ARFGEF2: variants seen among roughly 807,000 people sequenced by gnomAD.
ARFGEF2 encodes ARF guanine nucleotide exchange factor 2.
A neutral mutation model predicts 219.9 loss-of-function variants in ARFGEF2; 74 were observed. The ratio of observed to expected loss-of-function variants is 0.34; its 90% CI spans 0.28 to 0.41. The LOEUF (loss-of-function observed/expected upper bound fraction) is 0.41, where lower values mean the gene tolerates loss of function less well. ARFGEF2 is among the 10% of genes least tolerant of loss of function. The pLI is 1.00. For missense variants in ARFGEF2, 1,743 were observed against 2,218.3 expected, an observed-to-expected ratio of 0.79 and a Z score of 4.30; for synonymous variants, 733 against 799.2, an observed-to-expected ratio of 0.92 and a Z score of 1.40.
At chr20:49,029,063 A>T (rs1225980789) in intron 37 of ARFGEF2, among the ~76,000 whole-genome samples, 1 of 152,212 alleles carries the variant, frequency 6.6e-6, no homozygotes, top group African/African-American at 2.4e-5. Flanking sequence ...ACATCCCATC[A>T]TTCCTTCTTT....
intron 35 of ARFGEF2, among the ~76,000 whole-genome samples, chr20:49,023,624 C>T (rs1448788556): frequency 1.3e-5 from 2 of 149,478 alleles, no homozygotes; most frequent in African/African-American, 2.5e-5. Context: ...CTGCAAGCTC[C>T]GCCTCCTGGG....
At chr20:48,973,307 A>C (rs966281620) in intron 12 of ARFGEF2, 23 bp downstream of exon 12, 2 of 1,613,384 alleles carry the variant, frequency 1.2e-6, no homozygotes, top group Admixed American at 1.7e-5. Context: ...TGGACACTCA[A>C]TTATATTAAA....
intron 7 of ARFGEF2, among the ~76,000 whole-genome samples, chr20:48,965,168 G>C (rs558974563): frequency 1.6e-4 from 24 of 152,108 alleles, no homozygotes; most frequent in Non-Finnish European, 3.5e-4. Context: ...TCACATAATG[G>C]ATGTTTGTCT....
intron 36 of ARFGEF2, among the ~76,000 whole-genome samples, chr20:49,028,271 A>AG (rs915908833): frequency 5.3e-5 from 8 of 152,072 alleles, no homozygotes; most frequent in Admixed American, 3.3e-4. Flanking sequence ...ACAAAAAAAA[A>AG]TTAGCCAGGC....
At chr20:48,987,244 T>G (rs542199062) in intron 16 of ARFGEF2, among the ~76,000 whole-genome samples, 1 of 152,356 alleles carries the variant, frequency 6.6e-6, no homozygotes, top group South Asian at 2.1e-4. Flanking sequence ...GCTCAGTCAG[T>G]AAATATGTGA....
At chr20:48,964,399 C>T (rs1202000934) in intron 7 of ARFGEF2, among the ~76,000 whole-genome samples, 1 of 151,970 alleles carries the variant, frequency 6.6e-6, no homozygotes, top group Non-Finnish European at 1.5e-5. Flanking sequence ...AGCGAGACTC[C>T]ATCTCAAAAA....
chr20:49,027,621 G>C (rs954218323), intron 36 of ARFGEF2, among the ~76,000 whole-genome samples: 4 of 152,034 alleles, frequency 2.6e-5, no homozygotes, highest in Non-Finnish European at 5.9e-5. Flanking sequence ...ACTTGAGCCT[G>C]GGAGGTCGAG....
At chr20:48,977,692 C>T (rs912681179) in intron 14 of ARFGEF2, among the ~76,000 whole-genome samples, 7 of 152,200 alleles carry the variant, frequency 4.6e-5, no homozygotes, top group Admixed American at 3.3e-4. Context: ...GATGGTATCG[C>T]ATTGTGGTTT....
At chr20:48,927,674 C>T (rs1019932642) in intron 1 of ARFGEF2, among the ~76,000 whole-genome samples, 4 of 149,308 alleles carry the variant, frequency 2.7e-5, no homozygotes, top group South Asian at 2.1e-4. Context: ...GGCAACAGAG[C>T]GAGACTCTGT....
At chr20:48,966,295 A>C (rs1301049017) in intron 8 of ARFGEF2, among the ~76,000 whole-genome samples, 1 of 152,232 alleles carries the variant, frequency 6.6e-6, no homozygotes. Flanking sequence ...TCAAAATAGT[A>C]TACATTCATT....
intron 21 of ARFGEF2, among the ~76,000 whole-genome samples, chr20:48,992,664 C>G (rs2091363522): frequency 6.6e-6 from 1 of 152,216 alleles, no homozygotes; most frequent in South Asian, 2.1e-4. Context: ...GTGTTACCTG[C>G]TGTCATCTCC....
At chr20:48,975,880 T>C in intron 13 of ARFGEF2, 136 bp from the exon 14 acceptor site, 1 of 793,394 alleles carries the variant, frequency 1.3e-6, no homozygotes, top group Non-Finnish European at 2.2e-6. Flanking sequence ...TACTAAGGTT[T>C]CATGCTTATA....
chr20:48,987,618 C>T (rs562790100), intron 16 of ARFGEF2, among the ~76,000 whole-genome samples: 4 of 152,196 alleles, frequency 2.6e-5, no homozygotes, highest in East Asian at 1.9e-4. Context: ...GGCACTCAAG[C>T]GCTTAGTGTG....
At chr20:48,968,876 ATC>A (rs1282486191) in intron 8 of ARFGEF2, among the ~76,000 whole-genome samples, 5 of 152,070 alleles carry the variant, frequency 3.3e-5, no homozygotes, top group Non-Finnish European at 7.4e-5. Context: ...CACATCCCTC[ATC>A]TCTCTATTAA....
intron 14 of ARFGEF2, among the ~76,000 whole-genome samples, chr20:48,979,387 T>C (rs376810307): frequency 1.3e-5 from 2 of 152,140 alleles, no homozygotes; most frequent in East Asian, 3.8e-4. Context: ...CAGTATTTTA[T>C]TGAGGATTTT....
intron 27 of ARFGEF2, among the ~76,000 whole-genome samples, chr20:49,011,369 C>T (rs1268932575): frequency 3.9e-5 from 6 of 152,138 alleles, no homozygotes; most frequent in Admixed American, 3.9e-4. Context: ...TAGAATGTAA[C>T]TATCAGGAAT....
chr20:49,031,918 A>C (rs75924107), intron 37 of ARFGEF2, 131 bp from the exon 38 acceptor site: 1 of 135,468 alleles, frequency 7.4e-6, no homozygotes, highest in African/African-American at 3.0e-5. Context: ...ACCCTGTCTC[A>C]AAAAAAAAAA....
At chr20:48,940,036 A>G (rs370146547) in intron 1 of ARFGEF2, among the ~76,000 whole-genome samples, 1 of 152,228 alleles carries the variant, frequency 6.6e-6, no homozygotes, top group South Asian at 2.1e-4. Context: ...ATGTAGAAAT[A>G]CACTCAACTG....
At chr20:48,941,780 A>C in intron 2 of ARFGEF2, 84 bp from the exon 3 acceptor site, 1 of 1,597,192 alleles carries the variant, frequency 6.3e-7, no homozygotes, top group East Asian at 2.2e-5. Flanking sequence ...ACTTTAAATT[A>C]AATGGTTGCA....
Sources: allele counts gnomAD v4.1 joint callset (sites outside exome capture counted in the v4.1 genomes callset), GRCh38; gene constraint gnomAD v4.1.1; transcripts MANE v1.5; gene names NCBI Gene and HGNC (gene_info 2026-07-23, HGNC 2026-07-21).